Variants in PDHX observed in about 807,000 individuals in gnomAD.
The protein encoded by PDHX is pyruvate dehydrogenase complex component X, also known as pyruvate dehydrogenase protein X component, mitochondrial.
Under a neutral mutation model 55.3 loss-of-function variants are expected in PDHX, and 33 were observed. That is an observed-to-expected ratio of 0.60 (90% CI 0.45 to 0.80). The LOEUF (loss-of-function observed/expected upper bound fraction) is 0.80, where lower values mean the gene tolerates loss of function less well. Ranked by LOEUF, PDHX falls within the 30% of genes least tolerant of loss-of-function variation. The pLI is 0.00. For synonymous variants in PDHX, 226 were observed against 219.4 expected, an observed-to-expected ratio of 1.03 and a Z score of -0.27; for missense variants, 622 against 619.9, an observed-to-expected ratio of 1.00 and a Z score of -0.04.
At chr11:34,945,306 T>C (rs1854596472) in intron 2 of PDHX, among the ~76,000 whole-genome samples, 1 of 152,188 alleles carries the variant, frequency 6.6e-6, no homozygotes, top group African/African-American at 2.4e-5. Context: ...ATACTAGTAG[T>C]TAACATTTTA....
intron 5 of PDHX, among the ~76,000 whole-genome samples, chr11:34,963,270 G>A (rs1442159581): frequency 2.0e-5 from 3 of 151,882 alleles, no homozygotes; most frequent in African/African-American, 7.3e-5. Context: ...ATTTTTTAAC[G>A]TTTTGAATTT....
chr11:34,952,428 G>C (rs551284573), intron 3 of PDHX, among the ~76,000 whole-genome samples: 2 of 152,128 alleles, frequency 1.3e-5, no homozygotes, highest in Non-Finnish European at 2.9e-5. Context: ...GAACATTGAT[G>C]CAAAAATCCT....
chr11:34,988,284 T>TTA (rs1855693085), intron 9 of PDHX, among the ~76,000 whole-genome samples: 2 of 152,184 alleles, frequency 1.3e-5, no homozygotes, highest in African/African-American at 4.8e-5. Flanking sequence ...TGTAAGCCTT[T>TTA]TATATATATT....
At chr11:34,974,567 T>G (rs1855325882) in intron 7 of PDHX, among the ~76,000 whole-genome samples, 1 of 152,174 alleles carries the variant, frequency 6.6e-6, no homozygotes, top group Non-Finnish European at 1.5e-5. Flanking sequence ...ATTCTATTTT[T>G]AATTTTTTAA....
In PDHX at chr11:34,993,711, A is replaced by C. The variant is rs546429492; in HGVS notation, c.1248-1203A>C. On this transcript the variant is annotated intron_variant, in intron 10 of 10. Coordinates refer to ENST00000227868, the MANE Select transcript of PDHX (RefSeq NM_003477.3). Reference sequence around the variant, plus strand: ...AGTCTTCCAATTTTGTTCACCCTCAAGATTGTCTTCTGGCTTTTCGTATTT... The same window carrying C: ...AGTCTTCCAATTTTGTTCACCCTCACGATTGTCTTCTGGCTTTTCGTATTT... 3.3e-5 allele frequency among the ~76,000 whole-genome samples: 5 copies of C among 152,174 alleles called. No homozygotes were observed. In the East Asian group the frequency reaches 9.6e-4, roughly 29 times the overall value.
chr11:34,931,458 A>G lies in PDHX; in HGVS notation c.215A>G (p.Asn72Ser). The change falls in exon 2 of 11, where the codon AAC becomes AGC. Residue 72 changes from asparagine to serine, a missense_variant. By Grantham distance (46) the Asn-to-Ser change is conservative. Coordinates refer to ENST00000227868, the MANE Select transcript of PDHX (RefSeq NM_003477.3). ...PSLSPTMEEG[N>S]IVKWLKKEGE... Reference sequence around the variant, plus strand: ...CTGTCTCCTACAATGGAAGAAGGAAACATTGTGAAATGGCTGAAAAAGGAA... The same window carrying G: ...CTGTCTCCTACAATGGAAGAAGGAAGCATTGTGAAATGGCTGAAAAAGGAA... The G allele has an allele frequency of 6.2e-7, 1 of 1,603,914 alleles. No homozygotes were observed.
chr11:34,925,045 T>G (rs1853986883), intron 1 of PDHX, among the ~76,000 whole-genome samples: 1 of 152,242 alleles, frequency 6.6e-6, no homozygotes, highest in South Asian at 2.1e-4. Flanking sequence ...TTGTTAGCTT[T>G]CTTTTTGCTG....
upstream of PDHX, chr11:34,916,556 C>T: frequency 6.6e-7 from 1 of 1,524,254 alleles, no homozygotes. Context: ...GACCTAAAGG[C>T]ACCGCTAGCG....
rs144661918 is a variant in PDHX, at chr11:34,961,061, A to G, written c.641+543A>G. ...GTTTTATTGTATGCTTTAAAATCTG[A>G]TAACAATAGCTTTGCTCTTTTTTTA... is the stretch of plus-strand genomic sequence containing the variant. On this transcript the variant is annotated intron_variant, in intron 5 of 10. Transcript: ENST00000227868. Among the ~76,000 whole-genome samples, 64 of 152,296 alleles carry G rather than the reference A, an allele frequency of 4.2e-4. 1 individual carries two copies. Among genetic ancestry groups the G allele is most frequent in the Admixed American group, 2.3e-3 (35 of 15,292 alleles).
At chr11:34,991,146 T>G (rs961282006) in intron 9 of PDHX, among the ~76,000 whole-genome samples, 10 of 152,218 alleles carry the variant, frequency 6.6e-5, no homozygotes, top group Non-Finnish European at 1.0e-4. Context: ...CTGTCTTGTC[T>G]TCTGTAAGAT....
intron 1 of PDHX, among the ~76,000 whole-genome samples, chr11:34,926,988 T>G (rs1393786959): frequency 6.6e-6 from 1 of 151,052 alleles, no homozygotes; most frequent in Non-Finnish European, 1.5e-5. Flanking sequence ...CAAAAAATTT[T>G]AATGTATTGT....
At chr11:34,966,473 G>C (rs1013188505) in intron 5 of PDHX, among the ~76,000 whole-genome samples, 167 bp from the exon 6 acceptor site, 3 of 152,182 alleles carry the variant, frequency 2.0e-5, no homozygotes, top group Non-Finnish European at 4.4e-5. Flanking sequence ...CAGCAGACCA[G>C]GTAAGAGACA....
chr11:34,920,364 G>A (rs1249664293), intron 1 of PDHX, among the ~76,000 whole-genome samples: 1 of 152,100 alleles, frequency 6.6e-6, no homozygotes, highest in Non-Finnish European at 1.5e-5. Context: ...GATTTGCCTA[G>A]TATATAATTA....
intron 8 of PDHX, among the ~76,000 whole-genome samples, chr11:34,981,500 T>A (rs1855513048): frequency 6.6e-6 from 1 of 152,170 alleles, no homozygotes; most frequent in South Asian, 2.1e-4. Context: ...ATTTATAATC[T>A]TTTGGGTATA....
At chr11:34,936,116 A>G (rs1590735463) in intron 2 of PDHX, among the ~76,000 whole-genome samples, 3 of 152,166 alleles carry the variant, frequency 2.0e-5, no homozygotes, top group Non-Finnish European at 4.4e-5. Flanking sequence ...TAGCCAAATG[A>G]GCTGGGGAGT....
intron 9 of PDHX, among the ~76,000 whole-genome samples, chr11:34,987,412 T>A (rs1564933495): frequency 1.3e-5 from 2 of 152,112 alleles, no homozygotes; most frequent in African/African-American, 4.8e-5. Context: ...AGGCCTCTCA[T>A]GAGAAACAGG....
intron 2 of PDHX, among the ~76,000 whole-genome samples, chr11:34,943,509 G>C (rs1016096952): frequency 6.6e-6 from 1 of 152,150 alleles, no homozygotes; most frequent in African/African-American, 2.4e-5. Flanking sequence ...CGTGATTATA[G>C]CAGAAATCTT....
intron 10 of PDHX, among the ~76,000 whole-genome samples, chr11:34,993,845 A>G (rs1473264958): frequency 2.0e-5 from 3 of 152,136 alleles, no homozygotes; most frequent in Non-Finnish European, 4.4e-5. Flanking sequence ...TGACATCCTT[A>G]CAGTATTGAG....
intron 1 of PDHX, among the ~76,000 whole-genome samples, chr11:34,929,040 A>G (rs1375349237): frequency 2.0e-5 from 3 of 152,334 alleles, no homozygotes; most frequent in Non-Finnish European, 4.4e-5. Context: ...TTTCAGCTAC[A>G]GTTATTGAGA....
Sources: gnomAD v4.1 joint callset for allele counts (sites outside exome capture counted in the v4.1 genomes callset) on GRCh38, gnomAD v4.1.1 for gene constraint, MANE v1.5 for transcripts, NCBI Gene and HGNC (gene_info 2026-07-23, HGNC 2026-07-21) for gene names.